Variants in GALNTL6 observed in about 807,000 individuals in gnomAD.
The protein encoded by GALNTL6 is polypeptide N-acetylgalactosaminyltransferase-like 6.
Under a neutral mutation model 73.7 loss-of-function variants are expected in GALNTL6, and 46 were observed. That is an observed-to-expected ratio of 0.62 (90% confidence interval 0.49 to 0.80). The LOEUF (loss-of-function observed/expected upper bound fraction) is 0.80. Among genes scored for constraint, GALNTL6 ranks in the 30% least tolerant of loss-of-function variants. The pLI is 0.00. For missense variants in GALNTL6, 604 were observed against 755.0 expected (o/e 0.80, Z 2.34); for synonymous variants, 259 against 263.7 (o/e 0.98, Z 0.17).
chr4:172,579,584 G>A (rs1273643784), intron 5 of GALNTL6, among the ~76,000 whole-genome samples: 1 of 152,040 alleles, frequency 6.6e-6, no homozygotes, highest in Non-Finnish European at 1.5e-5. Flanking sequence ...AAGCAAAAAT[G>A]ACTCCACATG....
chr4:172,139,902 C>T (rs1258043322), intron 2 of GALNTL6, among the ~76,000 whole-genome samples: 2 of 151,972 alleles, frequency 1.3e-5, no homozygotes, highest in Non-Finnish European at 2.9e-5. Flanking sequence ...TGTGTTAATA[C>T]CAAAAAAACT....
intron 7 of GALNTL6, 127 bp from the exon 8 acceptor site, chr4:172,882,663 A>AC: frequency 1.5e-6 from 1 of 683,686 alleles, no homozygotes; most frequent in South Asian, 1.6e-5. Flanking sequence ...CTTACAGAAA[A>AC]CCAGTGCTGA....
chr4:172,846,242 G>A lies in GALNTL6; in HGVS notation c.923+32519G>A, dbSNP rs142319846. ...CAATGTGTTTGCAGGCCAACTACCA[G>A]AAGCCTATTTAACCAAAAAGCTTAA... On this transcript the variant is annotated intron_variant, in intron 7 of 12. Coordinates refer to ENST00000506823, the MANE Select transcript of GALNTL6 (RefSeq NM_001034845.3). Among the ~76,000 whole-genome samples, 1,150 of 152,240 alleles carry A rather than the reference G, an allele frequency of 7.6e-3. 5 individuals carry two copies. Among genetic ancestry groups the A allele is most frequent in the Non-Finnish European group, 0.013 (856 of 68,008 alleles).
chr4:172,030,200 C>T (rs1212009796), intron 2 of GALNTL6, among the ~76,000 whole-genome samples: 2 of 152,084 alleles, frequency 1.3e-5, no homozygotes, highest in Non-Finnish European at 2.9e-5. Flanking sequence ...AGCCATGTTA[C>T]ATATTTAGGT....
intron 5 of GALNTL6, among the ~76,000 whole-genome samples, chr4:172,461,539 C>T (rs1346077843): frequency 6.6e-6 from 1 of 152,112 alleles, no homozygotes; most frequent in Non-Finnish European, 1.5e-5. Context: ...CTGCTCCTCT[C>T]GCCACTTTTA....
At chr4:172,935,699 C>G (rs546141543) in intron 9 of GALNTL6, among the ~76,000 whole-genome samples, 1 of 152,248 alleles carries the variant, frequency 6.6e-6, no homozygotes, top group African/African-American at 2.4e-5. Context: ...GGATAAATTC[C>G]TGGACACATA....
At chr4:172,308,415 C>T (rs1740233152) in intron 3 of GALNTL6, among the ~76,000 whole-genome samples, 1 of 151,876 alleles carries the variant, frequency 6.6e-6, no homozygotes, top group African/African-American at 2.4e-5. Context: ...AGTTCTCAGG[C>T]AAATGCTGTG....
chr4:172,678,317 C>A (rs947913848), intron 5 of GALNTL6, among the ~76,000 whole-genome samples: 4 of 136,980 alleles, frequency 2.9e-5, no homozygotes, highest in Non-Finnish European at 1.6e-5. Flanking sequence ...TTAGTCTTTT[C>A]TTTTAAAGAA....
chr4:172,213,899 C>T (rs529646611), intron 2 of GALNTL6, among the ~76,000 whole-genome samples: 121 of 152,164 alleles, frequency 8.0e-4, no homozygotes, highest in African/African-American at 2.8e-3. Flanking sequence ...CCTAAGATTT[C>T]GTGTAGGGGT....
intron 2 of GALNTL6, among the ~76,000 whole-genome samples, chr4:172,104,671 G>A (rs1732628079): frequency 1.3e-5 from 2 of 152,100 alleles, no homozygotes; most frequent in Admixed American, 1.3e-4. Flanking sequence ...TGGAGACTCT[G>A]GCTATATCCT....
At chr4:172,064,787 A>G (rs1731309372) in intron 2 of GALNTL6, among the ~76,000 whole-genome samples, 1 of 152,030 alleles carries the variant, frequency 6.6e-6, no homozygotes, top group African/African-American at 2.4e-5. Flanking sequence ...AAAATAACAA[A>G]AGTTTGTGCC....
chr4:172,718,471 A>T (rs533436577), intron 5 of GALNTL6, among the ~76,000 whole-genome samples: 1 of 152,116 alleles, frequency 6.6e-6, no homozygotes, highest in East Asian at 1.9e-4. Context: ...GTCTCTAAAA[A>T]AAAAATTAAA....
chr4:172,786,322 G>A (rs1739651999), intron 5 of GALNTL6, among the ~76,000 whole-genome samples: 1 of 152,162 alleles, frequency 6.6e-6, no homozygotes, highest in Non-Finnish European at 1.5e-5. Flanking sequence ...CAAAATATAA[G>A]TTTTGGTCAA....
intron 7 of GALNTL6, among the ~76,000 whole-genome samples, chr4:172,880,682 A>G (rs1464447059): frequency 1.3e-5 from 2 of 152,138 alleles, no homozygotes; most frequent in Non-Finnish European, 2.9e-5. Context: ...TTTAAAACTC[A>G]CGGGCAAATA....
intron 2 of GALNTL6, among the ~76,000 whole-genome samples, chr4:172,204,994 T>C (rs1177656345): frequency 6.6e-6 from 1 of 152,180 alleles, no homozygotes; most frequent in Non-Finnish European, 1.5e-5. Context: ...CTGCATTTAG[T>C]CTAAATAAAA....
intron 5 of GALNTL6, among the ~76,000 whole-genome samples, chr4:172,637,123 A>G (rs893761261): frequency 6.6e-6 from 1 of 152,186 alleles, no homozygotes; most frequent in African/African-American, 2.4e-5. Context: ...CTCATTAATC[A>G]ATTACTAATT....
chr4:171,872,378 A>G (rs189723733), intron 2 of GALNTL6, among the ~76,000 whole-genome samples: 48 of 152,294 alleles, frequency 3.2e-4, no homozygotes, highest in Non-Finnish European at 5.6e-4. Flanking sequence ...TAAAATTTCT[A>G]TGAAAATCGT....
chr4:171,903,349 GA>G (rs1737163214), intron 2 of GALNTL6, among the ~76,000 whole-genome samples: 1 of 152,102 alleles, frequency 6.6e-6, no homozygotes, highest in African/African-American at 2.4e-5. Context: ...AGGGGTCAGG[GA>G]GTTCCTTTTC....
intron 2 of GALNTL6, among the ~76,000 whole-genome samples, chr4:171,988,716 T>G (rs572459231): frequency 2.0e-5 from 3 of 152,184 alleles, no homozygotes; most frequent in African/African-American, 7.2e-5. Context: ...AAGGCCATGC[T>G]GTAACAGGTG....
Sources: gnomAD v4.1 joint callset for allele counts (sites outside exome capture counted in the v4.1 genomes callset) on GRCh38, gnomAD v4.1.1 for gene constraint, MANE v1.5 for transcripts, NCBI Gene and HGNC (gene_info 2026-07-23, HGNC 2026-07-21) for gene names.